Variants in COL6A3 observed in about 807,000 individuals in gnomAD.
The protein encoded by COL6A3 is collagen alpha-3(VI) chain.
Under a neutral mutation model 274.1 loss-of-function variants are expected in COL6A3, and 137 were observed. The observed-to-expected ratio is 0.50, with a 90% CI of 0.44 to 0.58. The LOEUF (loss-of-function observed/expected upper bound fraction) is 0.58. Among genes scored for constraint, COL6A3 ranks in the 20% least tolerant of loss-of-function variants. The pLI is 0.00. For missense variants in COL6A3, 3,950 were observed against 4,124.9 expected (o/e 0.96, Z 1.16); for synonymous variants, 1,650 against 1,650.6 (o/e 1.00, Z 0.01).
intron 42 of COL6A3, among the ~76,000 whole-genome samples, chr2:237,331,535 G>C (rs936874440): frequency 2.0e-5 from 3 of 151,970 alleles, no homozygotes; most frequent in African/African-American, 7.2e-5. Context: ...TGCCATTACT[G>C]TCAGTGGCAA....
intron 5 of COL6A3, 101 bp downstream of exon 5, chr2:237,380,814 T>C (rs948804592): frequency 1.1e-5 from 12 of 1,085,486 alleles, no homozygotes; most frequent in South Asian, 2.7e-5. Context: ...TCATCATTTG[T>C]TGTCTCTTAG....
At position 237,334,726 on chromosome 2, in the gene COL6A3, G is replaced by A. The variant is rs10201909; in HGVS notation, c.9129C>T (p.Arg3043=). The A allele has an allele frequency of 0.026, 42,177 of 1,613,994 alleles. 1,633 individuals are homozygous for A. The highest frequency in any genetic ancestry group is 0.18 in the African/African-American group (13,587 of 74,942). Residue 3043 remains arginine (R), a synonymous_variant, in exon 41 of 44, where the codon CGC becomes CGT. Coordinates refer to ENST00000295550, the MANE Select transcript of COL6A3 (RefSeq NM_004369.4). ...GCCCAGCGAGCAGGCCTCCAATGAC[G>A]CGGTCCGTGACCGTGAGGTTCTGCT... ...VLKQNLTVTD[R]VIGGLLAGQT...
At position 237,334,889 on chromosome 2, in the gene COL6A3, A is replaced by G; in HGVS notation, c.8966T>C (p.Val2989Ala). 6.2e-7 allele frequency: 1 copy of G among 1,614,120 alleles called. No individual in the cohort carries two copies. The highest frequency in any genetic ancestry group is 8.5e-7 in the Non-Finnish European group (1 of 1,180,010). Residue 2989 changes from valine to alanine, a missense_variant and splice_region_variant, in exon 41 of 44, where the codon GTT (valine) becomes GCT (alanine). Coordinates refer to ENST00000295550, the MANE Select transcript of COL6A3 (RefSeq NM_004369.4). ...ATKPATTKPM[V>A]KMSREVQVFE... is the part of the protein sequence containing the mutation. ...CACCTGGACTTCACGGGACATCTTA[A>G]CTGAAAGATAGATCAGAGCGTGAAG...
In COL6A3 at chr2:237,394,774, T is replaced by C. The variant is rs1477904627; in HGVS notation, c.522A>G (p.Ala174=). Residue 174 remains alanine (A), a synonymous_variant, in exon 3 of 44, where the codon GCA becomes GCG. Transcript: ENST00000295550. ...CTTCATCTGCATCCTCAACTCCAAT[T>C]GCAAACACGTTAACATCAGCAGACT... ...ELKSADVNVF[A]IGVEDADEGA... is the part of the protein sequence containing the mutation. 1 of 1,614,078 alleles carries C rather than the reference T, an allele frequency of 6.2e-7. No individual in the cohort carries two copies. Among genetic ancestry groups the C allele is most frequent in the African/African-American group, 1.3e-5 (1 of 74,916 alleles).
At position 237,340,936 on chromosome 2, in the gene COL6A3, G is replaced by A; in HGVS notation, c.7980C>T (p.His2660=). ...DMSPDPKASQ[H]FARVAVVQHA... ...GCTGCACAACTGCCACTCTGGCGAA[G>A]TGCTGGGAGGCCTTGGGATCTGGGC... is the stretch of plus-strand genomic sequence containing the variant. The change falls in exon 38 of 44, where the codon CAC becomes CAT. Residue 2660 remains histidine (H), a synonymous_variant. Transcript: ENST00000295550. 6.2e-7 allele frequency: 1 copy of A among 1,613,672 alleles called. No individual in the cohort carries two copies. The highest frequency in any genetic ancestry group is 8.5e-7 in the Non-Finnish European group (1 of 1,179,592).
rs2077595902 is a variant in COL6A3 at position 237,368,069 on chromosome 2, T to C, written c.4900+494A>G. 6.6e-6 allele frequency among the ~76,000 whole-genome samples: 1 copy of C among 152,186 alleles called. No individual in the cohort carries two copies. Among genetic ancestry groups the C allele is most frequent in the African/African-American group, 2.4e-5 (1 of 41,440 alleles). ...AGAAAAATATGGGCTGGTGGAGAGA[T>C]CCACTTTGCTTTTGCAGCCCCAAAG... On this transcript the variant is annotated intron_variant, in intron 10 of 43. Coordinates refer to ENST00000295550, the MANE Select transcript of COL6A3 (RefSeq NM_004369.4). The surrounding 1 kb of genome is among the most constrained non-coding windows in gnomAD (Gnocchi z 4.4).
rs146313030 is a variant in COL6A3, at chr2:237,374,616, C to T, written c.3475G>A (p.Gly1159Arg). ...RNPSVVVKRG[G>R]AVPIGIGIGN... ...ATGCCAATGCCAATGGGCACAGCCC[C>T]ACCCCTCTTCACGACCACGGAGGGG... Residue 1159 changes from glycine to arginine, a missense_variant, in exon 8 of 44, where the codon GGG (glycine) becomes AGG (arginine). Transcript: ENST00000295550. This position sits in a 1 kb window ranked among gnomAD's most constrained non-coding sequence, Gnocchi z 4.8. The T allele has an allele frequency of 7.4e-6, 12 of 1,614,074 alleles. No homozygotes were observed. In the Admixed American group the frequency reaches 1.5e-4, roughly 20 times the overall value.
intron 43 of COL6A3, among the ~76,000 whole-genome samples, chr2:237,325,077 G>A (rs1372885868): frequency 2.6e-5 from 4 of 152,014 alleles, no homozygotes; most frequent in Non-Finnish European, 4.4e-5. Context: ...GCCTTTATAC[G>A]AACTGAACTC....
At position 237,407,197 on chromosome 2, in the gene COL6A3, C is replaced by T. The variant is rs2106404792; in HGVS notation, c.-31+6756G>A. On this transcript the variant is annotated intron_variant, in intron 1 of 43. Coordinates refer to ENST00000295550, the MANE Select transcript of COL6A3 (RefSeq NM_004369.4). The surrounding 1 kb of genome is among the most constrained non-coding windows in gnomAD (Gnocchi z 4.3). ...AATGTGCTGGGATTATAGGCATGAG[C>T]CACTACACCTGGCCTTTGAATTTCT... 6.6e-6 allele frequency among the ~76,000 whole-genome samples: 1 copy of T among 152,238 alleles called. No individual in the cohort carries two copies. Among genetic ancestry groups the T allele is most frequent in the East Asian group, 1.9e-4 (1 of 5,184 alleles).
Position 237,394,916 on chromosome 2 carries a change from T to C in COL6A3, c.380A>G (p.Gln127Arg). 6.2e-7 allele frequency: 1 copy of C among 1,612,634 alleles called. No individual in the cohort carries two copies. The highest frequency in any genetic ancestry group is 1.3e-5 in the African/African-American group (1 of 75,002). ...QTGKGLEYIM[Q>R]SHLTKAAGSR... is the part of the protein sequence containing the mutation. ...TCCAGCAGCCTTGGTGAGGTGGCTT[T>C]GCATTATGTATTCTAATCCTTTTCC... Residue 127 changes from glutamine (Q) to arginine (R), a missense_variant, in exon 3 of 44, where the codon CAA becomes CGA. Gln to Arg is a conservative substitution (Grantham distance 43). Around this residue, in one of 5 missense-constraint regions of COL6A3, gnomAD observed 1,934 missense variants for 1,984.3 expected, o/e 0.97. Coordinates refer to ENST00000295550, the MANE Select transcript of COL6A3 (RefSeq NM_004369.4).
chr2:237,399,628 A>G (rs1300264874), intron 1 of COL6A3, among the ~76,000 whole-genome samples: 1 of 152,220 alleles, frequency 6.6e-6, no homozygotes, highest in African/African-American at 2.4e-5. Context: ...AATATATAGC[A>G]GTTCTGAAAA....
At chr2:237,366,118 C>G (rs2077546259) in intron 11 of COL6A3, 83 bp from the exon 12 acceptor site, 5 of 1,232,742 alleles carry the variant, frequency 4.1e-6, no homozygotes, top group Middle Eastern at 4.4e-4. Context: ...AGGGACAACC[C>G]AGGCAGAGGA....
intron 1 of COL6A3, among the ~76,000 whole-genome samples, chr2:237,401,586 T>C (rs1368256169): frequency 1.3e-5 from 2 of 152,168 alleles, no homozygotes; most frequent in African/African-American, 4.8e-5. Context: ...AAAATGCCTG[T>C]CTGTATCATT....
intron 1 of COL6A3, among the ~76,000 whole-genome samples, chr2:237,401,687 G>A (rs181590443): frequency 2.1e-5 from 3 of 143,788 alleles, no homozygotes; most frequent in Admixed American, 1.4e-4. Flanking sequence ...CACTTATACT[G>A]TAATTTTTTT....
Position 237,365,686 on chromosome 2 carries a change from G to A in COL6A3, c.5838+12C>T, listed in dbSNP as rs117734465. Reference sequence around the variant, plus strand: ...TTCCCAGGGAGCACCTGAACCAACTGGCCCCACAGACCTTCACGCTGTCCG... The same window carrying A: ...TTCCCAGGGAGCACCTGAACCAACTAGCCCCACAGACCTTCACGCTGTCCG... On this transcript the variant is annotated intron_variant, in intron 12 of 43. Transcript: ENST00000295550. 3.1e-6 allele frequency: 5 copies of A among 1,613,356 alleles called. No homozygotes were observed. The highest frequency in any genetic ancestry group is 4.2e-6 in the Non-Finnish European group (5 of 1,179,416).
In COL6A3 at chr2:237,358,389, A is replaced by G. The variant is rs1008239417; in HGVS notation, c.6471+132T>C. The G allele has an allele frequency of 3.7e-6, 3 of 812,352 alleles. No individual in the cohort carries two copies. The African/African-American group carries it at 5.1e-5, about 14-fold the overall frequency. The allele number at this position is 812,352 out of a possible 1,614,324, so 50.3% of individuals were successfully genotyped here. ...TCCCCAAACCCCCAAACTGCAAGAA[A>G]AAGACAAAGCACATATTTTATCAAC... On this transcript the variant is annotated intron_variant, in intron 21 of 43. Coordinates refer to ENST00000295550, the MANE Select transcript of COL6A3 (RefSeq NM_004369.4).
In COL6A3 at chr2:237,364,479, C is replaced by A. The variant is rs747533677; in HGVS notation, c.5839-51G>T. On this transcript the variant is annotated intron_variant, in intron 12 of 43. Transcript: ENST00000295550. The surrounding 1 kb of genome is among the most constrained non-coding windows in gnomAD (Gnocchi z 4.6). ...CCAGGAAAACTAAAAAGGAGTGTTG[C>A]AGACTGCTGATAGAAAACTGAGAGA... 1 of 1,393,116 alleles carries A rather than the reference C, an allele frequency of 7.2e-7. No individual in the cohort carries two copies. The highest frequency in any genetic ancestry group is 1.0e-6 in the Non-Finnish European group (1 of 980,228). The allele number at this position is 1,393,116 out of a possible 1,614,324, so 86.3% of individuals were successfully genotyped here.
rs982876673 is a variant in COL6A3, at chr2:237,407,989, G to A, written c.-31+5964C>T. On this transcript the variant is annotated intron_variant, in intron 1 of 43. Coordinates refer to ENST00000295550, the MANE Select transcript of COL6A3 (RefSeq NM_004369.4). The surrounding 1 kb of genome is among the most constrained non-coding windows in gnomAD (Gnocchi z 4.3). ...ACTTATTCCTGTCTTTTCCTTCTTG[G>A]CAATGAACTAAGGTGCTACTGACCT... 1.3e-5 allele frequency among the ~76,000 whole-genome samples: 2 copies of A among 152,162 alleles called. No homozygotes were observed. The highest frequency in any genetic ancestry group is 2.9e-5 in the Non-Finnish European group (2 of 68,038).
At chr2:237,366,562 A>C in intron 11 of COL6A3, 125 bp downstream of exon 11, 3 of 1,404,452 alleles carry the variant, frequency 2.1e-6, no homozygotes, top group Non-Finnish European at 3.0e-6. Flanking sequence ...CCCAGTGGGT[A>C]TAAGTAAATG....
Sources: gnomAD v4.1 joint callset for allele counts (sites outside exome capture counted in the v4.1 genomes callset) on GRCh38, gnomAD v4.1.1 for gene constraint, gnomAD v4.1.1 regional missense constraint, Gnocchi (gnomAD v3.1) non-coding constraint, MANE v1.5 for transcripts, NCBI Gene and HGNC (gene_info 2026-07-23, HGNC 2026-07-21) for gene names.